Variants in PIGR observed in about 807,000 individuals in gnomAD.
PIGR encodes the protein polymeric immunoglobulin receptor, also known as hepatocellular carcinoma associated protein TB6.
PIGR carries 22 observed loss-of-function variants against 69.5 expected under a neutral mutation model. That is an observed-to-expected ratio of 0.32 (90% CI 0.23 to 0.45). The LOEUF is 0.45. Among genes scored for constraint, PIGR ranks in the 20% least tolerant of loss-of-function variants. The pLI, the probability that PIGR is intolerant of heterozygous loss-of-function variation, is 1.00. For missense variants in PIGR, 885 were observed against 974.0 expected (o/e 0.91, Z 1.22); for synonymous variants, 413 against 407.6 (o/e 1.01, Z -0.16).
At chr1:206,939,060 G>A in intron 3 of PIGR, 59 bp downstream of exon 3, 1 of 1,437,106 alleles carries the variant, frequency 7.0e-7, no homozygotes, top group Admixed American at 1.8e-5. Context: ...AGCCCTCCAT[G>A]CACCTTAGAG....
In PIGR at chr1:206,939,279, G is replaced by C; in HGVS notation, c.228C>G (p.Ser76Arg). ...TLISSEGYVS[S>R]KYAGRANLTN... ...TGAGGTTAGCCCTGCCTGCATATTTGCTGGAGACGTAGCCCTCCGAGGAGA... is the reference window on the plus strand; with the variant it reads ...TGAGGTTAGCCCTGCCTGCATATTTCCTGGAGACGTAGCCCTCCGAGGAGA... The change falls in exon 3 of 11, where the codon AGC becomes AGG. Residue 76 changes from serine to arginine, a missense_variant. Coordinates refer to ENST00000356495, the MANE Select transcript of PIGR (RefSeq NM_002644.4). The C allele has an allele frequency of 5.0e-6, 8 of 1,614,198 alleles. No homozygotes were observed. Among genetic ancestry groups the C allele is most frequent in the Non-Finnish European group, 6.8e-6 (8 of 1,180,034 alleles).
In PIGR at chr1:206,930,058, ATTC is replaced by A; in HGVS notation, c.*257_*259del. The stretch of plus-strand genomic sequence containing the variant: ...CTTCAAGGGACCCATGAGGACCTCT[ATTC>A]TTCTCCGTACCTGAGGTTCTCTCAA... On this transcript the variant is annotated 3_prime_UTR_variant, in exon 11 of 11. Coordinates refer to ENST00000356495, the MANE Select transcript of PIGR (RefSeq NM_002644.4). This position sits in a 1 kb window ranked among gnomAD's most constrained non-coding sequence, Gnocchi z 4.3. The A allele has an allele frequency of 2.6e-6, 1 of 389,952 alleles. No individual in the cohort carries two copies. Among genetic ancestry groups the A allele is most frequent in the Non-Finnish European group, 4.6e-6 (1 of 219,336 alleles). The allele number at this position is 389,952 out of a possible 1,614,324, so 24.2% of individuals were successfully genotyped here.
At chr1:206,937,997 T>A (rs1370545889) in intron 3 of PIGR, among the ~76,000 whole-genome samples, 6 of 152,182 alleles carry the variant, frequency 3.9e-5, no homozygotes, top group African/African-American at 1.4e-4. Context: ...ACTTATTACA[T>A]CCAATCTGGT....
At chr1:206,932,677 TC>T in intron 7 of PIGR, 100 bp from the exon 8 acceptor site, 1 of 1,374,010 alleles carries the variant, frequency 7.3e-7, no homozygotes, top group South Asian at 1.5e-5. Flanking sequence ...CCCAGGTTTA[TC>T]CACCCCACCC....
chr1:206,934,325 G>A, intron 6 of PIGR, 95 bp downstream of exon 6: 4 of 1,070,912 alleles, frequency 3.7e-6, no homozygotes, highest in Non-Finnish European at 5.3e-6. Context: ...GCCAAACATA[G>A]GGGCCAGCAC....
In PIGR at chr1:206,931,806, T is replaced by C; in HGVS notation, c.2009-4A>G. On this transcript the variant is annotated splice_polypyrimidine_tract_variant and splice_region_variant and intron_variant, in intron 8 of 10. Transcript: ENST00000356495. ...TAGCTTCTGATTGAAACTCGGTCTG[T>C]CCGGGAGGAAGAGGAGTTGGTGTAA... 6.2e-7 allele frequency: 1 copy of C among 1,614,052 alleles called. No individual in the cohort carries two copies. Among genetic ancestry groups the C allele is most frequent in the Non-Finnish European group, 8.5e-7 (1 of 1,179,990 alleles).
At position 206,929,578 on chromosome 1, in the gene PIGR, C is replaced by T. The variant is rs183217799; in HGVS notation, c.*740G>A. Reference sequence around the variant, plus strand: ...AAAAAAGAAAAAGAAAAACGCTTCACTCTTCCAAACCTCAATTTTCTTATG... The same window carrying T: ...AAAAAAGAAAAAGAAAAACGCTTCATTCTTCCAAACCTCAATTTTCTTATG... On this transcript the variant is annotated 3_prime_UTR_variant, in exon 11 of 11. Transcript: ENST00000356495. The T allele has an allele frequency of 6.6e-6, 1 of 152,172 alleles. No individual in the cohort carries two copies. The highest frequency in any genetic ancestry group is 2.4e-5 in the African/African-American group (1 of 41,518). 9.4% of individuals were successfully genotyped at this position (152,172 alleles called of 1,614,324 possible). A position where few individuals can be genotyped will look rare whatever the true frequency, so the allele number is the denominator to read the frequency against.
In PIGR at chr1:206,937,153, C is replaced by A. The variant is rs769400045; in HGVS notation, c.987G>T (p.Ser329=). ...GCGAGCCTTCCTGCAGCTGACCATC[C>A]GAATGGGCTCCACACAGGTAGCGCC... ...DAGRYLCGAH[S]DGQLQEGSPI... Residue 329 remains serine, a synonymous_variant, in exon 4 of 11, where the codon TCG becomes TCT. Coordinates refer to ENST00000356495, the MANE Select transcript of PIGR (RefSeq NM_002644.4). 6.2e-7 allele frequency: 1 copy of A among 1,613,146 alleles called. No homozygotes were observed. Among genetic ancestry groups the A allele is most frequent in the Non-Finnish European group, 8.5e-7 (1 of 1,179,546 alleles).
intron 1 of PIGR, among the ~76,000 whole-genome samples, chr1:206,945,729 A>T (rs1463393386): frequency 1.3e-5 from 2 of 152,214 alleles, no homozygotes; most frequent in African/African-American, 2.4e-5. Flanking sequence ...CAAGTGGGAA[A>T]CCTCAAAGAA....
Position 206,935,613 on chromosome 1 carries a change from C to T in PIGR, c.1251G>A (p.Glu417=). ...AQYEGRLSLL[E]EPGNGTFTVI... ...CAGTGAAGGTGCCGTTGCCTGGCTC[C>T]TCCAGCAGGGAGAGGCGGCCCTCGT... The change falls in exon 5 of 11, where the codon GAG becomes GAA. Residue 417 remains glutamate, a synonymous_variant. Coordinates refer to ENST00000356495, the MANE Select transcript of PIGR (RefSeq NM_002644.4). This position sits in a 1 kb window ranked among gnomAD's most constrained non-coding sequence, Gnocchi z 4.4. 5 of 1,614,224 alleles carry T rather than the reference C, an allele frequency of 3.1e-6. No homozygotes were observed.
chr1:206,931,684 G>C lies in PIGR; in HGVS notation c.2127C>G (p.Leu709=). 6.2e-7 allele frequency: 1 copy of C among 1,614,084 alleles called. No homozygotes were observed. Among genetic ancestry groups the C allele is most frequent in the Non-Finnish European group, 8.5e-7 (1 of 1,180,018 alleles). The change falls in exon 9 of 11, where the codon CTC becomes CTG. Residue 709 remains leucine, a synonymous_variant. Transcript: ENST00000356495. ...GASSITQETS[L]GGKEEFVATT... ...TGAGGGTCATACCTTCTTTTCCTCC[G>C]AGGGATGTCTCCTGAGTGATCGAAG...
Position 206,935,458 on chromosome 1 carries a change from A to G in PIGR, c.1378+28T>C. On this transcript the variant is annotated intron_variant, in intron 5 of 10. Transcript: ENST00000356495. This position sits in a 1 kb window ranked among gnomAD's most constrained non-coding sequence, Gnocchi z 4.4. ...CTGCTGCTGGCTGGAGAGGTTTTAG[A>G]GCTTTCTCCCTCCCTGTCAACTCCT... is the stretch of plus-strand genomic sequence containing the variant. 10 of 1,571,110 alleles carry G rather than the reference A, an allele frequency of 6.4e-6. No homozygotes were observed. Among genetic ancestry groups the G allele is most frequent in the Non-Finnish European group, 7.8e-6 (9 of 1,148,390 alleles).
At chr1:206,934,015 C>T (rs1209157957) in intron 6 of PIGR, among the ~76,000 whole-genome samples, 1 of 152,012 alleles carries the variant, frequency 6.6e-6, no homozygotes, top group African/African-American at 2.4e-5. Context: ...GATTACACCA[C>T]CATGCCCAGC....
intron 3 of PIGR, among the ~76,000 whole-genome samples, chr1:206,938,227 A>G (rs1041808173): frequency 6.6e-6 from 1 of 152,254 alleles, no homozygotes; most frequent in Non-Finnish European, 1.5e-5. Flanking sequence ...TAAATGTGAA[A>G]TGGGCTGTCT....
chr1:206,939,067 A>C, intron 3 of PIGR, 52 bp downstream of exon 3: 1 of 1,480,504 alleles, frequency 6.8e-7, no homozygotes, highest in Non-Finnish European at 9.3e-7. Context: ...CATGCACCTT[A>C]GAGAATTCCC....
intron 1 of PIGR, among the ~76,000 whole-genome samples, chr1:206,946,097 C>T (rs1412914200): frequency 6.6e-6 from 1 of 152,200 alleles, no homozygotes; most frequent in African/African-American, 2.4e-5. Context: ...CCCTTCCCAC[C>T]TGCTGATATT....
At chr1:206,939,051 G>A (rs1306519904) in intron 3 of PIGR, 68 bp downstream of exon 3, 1 of 1,354,012 alleles carries the variant, frequency 7.4e-7, no homozygotes, top group African/African-American at 1.4e-5. Context: ...TCCTCCTCAA[G>A]CCCTCCATGC....
chr1:206,935,755 A>T lies in PIGR; in HGVS notation c.1109T>A (p.Leu370His). 4.3e-6 allele frequency: 7 copies of T among 1,613,830 alleles called. No homozygotes were observed. Among genetic ancestry groups the T allele is most frequent in the Non-Finnish European group, 5.9e-6 (7 of 1,179,800 alleles). Reference protein sequence around the residue: ...KGVAGGSVAVLCPYNRKESKS... With the variant: ...KGVAGGSVAVHCPYNRKESKS... ...GCTTTCCTTACGGTTGTAGGGGCAG[A>T]GCACGGCCACAGAGCCTCCTGCCAC... The change falls in exon 5 of 11, where the codon CTC becomes CAC. Residue 370 changes from leucine to histidine, a missense_variant. Coordinates refer to ENST00000356495, the MANE Select transcript of PIGR (RefSeq NM_002644.4). This position sits in a 1 kb window ranked among gnomAD's most constrained non-coding sequence, Gnocchi z 4.4.
chr1:206,935,738 T>C lies in PIGR; in HGVS notation c.1126A>G (p.Lys376Glu). Reference sequence around the variant, plus strand: ...CAGTACTTGATGCTTTTGCTTTCCTTACGGTTGTAGGGGCAGAGCACGGCC... The same window carrying C: ...CAGTACTTGATGCTTTTGCTTTCCTCACGGTTGTAGGGGCAGAGCACGGCC... ...SVAVLCPYNR[K>E]ESKSIKYWCL... is the part of the protein sequence containing the mutation. The change falls in exon 5 of 11, where the codon AAG becomes GAG. Residue 376 changes from lysine (K) to glutamate (E), a missense_variant. Lys to Glu is a moderately conservative substitution (Grantham distance 56). Coordinates refer to ENST00000356495, the MANE Select transcript of PIGR (RefSeq NM_002644.4). This position sits in a 1 kb window ranked among gnomAD's most constrained non-coding sequence, Gnocchi z 4.4. 6.2e-7 allele frequency: 1 copy of C among 1,614,080 alleles called. No individual in the cohort carries two copies. The highest frequency in any genetic ancestry group is 8.5e-7 in the Non-Finnish European group (1 of 1,179,978).
Sources: gnomAD v4.1 joint callset for allele counts (sites outside exome capture counted in the v4.1 genomes callset) on GRCh38, gnomAD v4.1.1 for gene constraint, Gnocchi (gnomAD v3.1) non-coding constraint, MANE v1.5 for transcripts, NCBI Gene and HGNC (gene_info 2026-07-23, HGNC 2026-07-21) for gene names.